UNC5B: variants seen among roughly 807,000 people sequenced by gnomAD.
UNC5B encodes the protein unc-5 netrin receptor B, also known as netrin receptor UNC5B.
Under a neutral mutation model 103.7 loss-of-function variants are expected in UNC5B, and 56 were observed. The ratio of observed to expected loss-of-function variants is 0.54; its 90% confidence interval spans 0.44 to 0.67. The LOEUF is 0.67. Among genes scored for constraint, UNC5B ranks in the 30% least tolerant of loss-of-function variants. The pLI is 0.00. For missense variants in UNC5B, 1,194 were observed against 1,284.5 expected (o/e 0.93, Z 1.08); for synonymous variants, 577 against 542.0 (o/e 1.06, Z -0.90).
At chr10:71,259,655 A>G (rs1032032429) in intron 1 of UNC5B, among the ~76,000 whole-genome samples, 8 of 152,148 alleles carry the variant, frequency 5.3e-5, no homozygotes, top group African/African-American at 1.9e-4. Context: ...ATTCACATAC[A>G]TGACTCTGTT....
At chr10:71,256,404 G>C (rs528972001) in intron 1 of UNC5B, among the ~76,000 whole-genome samples, 5 of 152,230 alleles carry the variant, frequency 3.3e-5, no homozygotes, top group Admixed American at 3.3e-4. Flanking sequence ...CCAGTGCCCT[G>C]CCTGGGCCCA....
At chr10:71,262,013 G>T (rs570613705) in intron 1 of UNC5B, among the ~76,000 whole-genome samples, 6 of 152,108 alleles carry the variant, frequency 3.9e-5, no homozygotes, top group Admixed American at 6.5e-5. Context: ...GATGGGGTAG[G>T]GGGGAGGTGG....
intron 1 of UNC5B, among the ~76,000 whole-genome samples, chr10:71,237,849 C>T (rs1843807945): frequency 6.6e-6 from 1 of 152,186 alleles, no homozygotes; most frequent in Non-Finnish European, 1.5e-5. Context: ...CTCAGCCAGT[C>T]CATTTCCCTC....
rs145277949 is a variant in UNC5B at position 71,279,853 on chromosome 10, T to G, written c.112T>G (p.Ser38Ala). 7.4e-6 allele frequency: 12 copies of G among 1,613,760 alleles called. No individual in the cohort carries two copies. Among genetic ancestry groups the G allele is most frequent in the Non-Finnish European group, 1.0e-5 (12 of 1,179,856 alleles). The change falls in exon 2 of 17, where the codon TCC becomes GCC. Residue 38 changes from serine (S) to alanine (A), a missense_variant. Coordinates refer to ENST00000335350, the MANE Select transcript of UNC5B (RefSeq NM_170744.5). ...TTCTGGCAGCGAGGTGCTCCCTGAC[T>G]CCTTCCCGTCAGCGCCAGCAGAGCC... ...TDSGSEVLPD[S>A]FPSAPAEPLP...
At chr10:71,243,513 A>G (rs1843954656) in intron 1 of UNC5B, among the ~76,000 whole-genome samples, 1 of 152,262 alleles carries the variant, frequency 6.6e-6, no homozygotes, top group South Asian at 2.1e-4. Context: ...AAACAGCCAC[A>G]TATGGCTAGT....
At chr10:71,284,609 G>A in intron 2 of UNC5B, 111 bp from the exon 3 acceptor site, 1 of 1,489,256 alleles carries the variant, frequency 6.7e-7, no homozygotes, top group Non-Finnish European at 9.0e-7. Flanking sequence ...TGGAGGGAAA[G>A]GCACTTGGGC....
chr10:71,247,096 G>A (rs1844055993), intron 1 of UNC5B, among the ~76,000 whole-genome samples: 1 of 152,250 alleles, frequency 6.6e-6, no homozygotes, highest in South Asian at 2.1e-4. Flanking sequence ...GCATGACCCA[G>A]GTTGTTCACT....
intron 1 of UNC5B, among the ~76,000 whole-genome samples, chr10:71,240,857 G>C (rs1156505367): frequency 2.0e-5 from 3 of 152,202 alleles, no homozygotes; most frequent in Non-Finnish European, 2.9e-5. Context: ...AGGCCCCTTG[G>C]TACCAGTCCC....
chr10:71,301,286 C>T lies in UNC5B; in HGVS notation c.*2009C>T, dbSNP rs757329078. 6.6e-6 allele frequency: 1 copy of T among 152,218 alleles called. No individual in the cohort carries two copies. Among genetic ancestry groups the T allele is most frequent in the African/African-American group, 2.4e-5 (1 of 41,448 alleles). 9.4% of individuals were successfully genotyped at this position (152,218 alleles called of 1,614,324 possible). A position where few individuals can be genotyped will look rare whatever the true frequency, so the allele number is the denominator to read the frequency against. ...CTTCCCTGCCATGGACTCAGTAGCT[C>T]GTGGGGCTTCTTACCACCCACCAGC... is the stretch of plus-strand genomic sequence containing the variant. On this transcript the variant is annotated 3_prime_UTR_variant, in exon 17 of 17. Coordinates refer to ENST00000335350, the MANE Select transcript of UNC5B (RefSeq NM_170744.5).
chr10:71,266,984 A>C (rs1844538223), intron 1 of UNC5B, among the ~76,000 whole-genome samples: 2 of 152,100 alleles, frequency 1.3e-5, no homozygotes, highest in Admixed American at 1.3e-4. Context: ...TTAGTCACTC[A>C]GTGGCTGTCT....
chr10:71,275,967 C>T (rs74147808), intron 1 of UNC5B, among the ~76,000 whole-genome samples: 3,142 of 152,078 alleles, frequency 0.021, 100 homozygotes, highest in African/African-American at 0.069. Context: ...TAGTGGTGTC[C>T]GCTTGGATTC....
chr10:71,269,608 C>T (rs1442482979), intron 1 of UNC5B, among the ~76,000 whole-genome samples: 1 of 152,260 alleles, frequency 6.6e-6, no homozygotes, highest in Non-Finnish European at 1.5e-5. Flanking sequence ...CTCCCTCCCC[C>T]TCCACCTGCC....
chr10:71,227,705 T>TACACACACAC (rs1457951155), intron 1 of UNC5B, among the ~76,000 whole-genome samples: 2 of 120,664 alleles, frequency 1.7e-5, no homozygotes, highest in Admixed American at 8.6e-5. Context: ...TATACACACA[T>TACACACACAC]ATACACACAC....
At chr10:71,245,463 G>T (rs901110185) in intron 1 of UNC5B, among the ~76,000 whole-genome samples, 1 of 152,188 alleles carries the variant, frequency 6.6e-6, no homozygotes, top group African/African-American at 2.4e-5. Context: ...GGGCCTGGTG[G>T]TACAGACTGA....
At chr10:71,231,625 A>G (rs890120671) in intron 1 of UNC5B, among the ~76,000 whole-genome samples, 1 of 151,860 alleles carries the variant, frequency 6.6e-6, no homozygotes, top group Non-Finnish European at 1.5e-5. Flanking sequence ...GAAAAACCAC[A>G]ATCGTACGTA....
chr10:71,212,850 G>C lies in UNC5B; in HGVS notation c.-136G>C. On this transcript the variant is annotated 5_prime_UTR_variant, in exon 1 of 17. Coordinates refer to ENST00000335350, the MANE Select transcript of UNC5B (RefSeq NM_170744.5). ...GCAGCGTGGCTTCCGCTGCCCCCAC[G>C]GAAGGCACGGGCTGGCGCTGCCGGG... 1 of 667,866 alleles carries C rather than the reference G, an allele frequency of 1.5e-6. No homozygotes were observed. Among genetic ancestry groups the C allele is most frequent in the South Asian group, 7.4e-5 (1 of 13,474 alleles). The allele number at this position is 667,866 out of a possible 1,614,324, so 41.4% of individuals were successfully genotyped here.
intron 1 of UNC5B, among the ~76,000 whole-genome samples, chr10:71,220,325 C>T (rs1025979416): frequency 1.3e-5 from 2 of 152,158 alleles, no homozygotes; most frequent in African/African-American, 4.8e-5. Context: ...CTGCCCTGCC[C>T]CCACCAGAGA....
intron 1 of UNC5B, among the ~76,000 whole-genome samples, chr10:71,266,081 T>C (rs1026988279): frequency 5.3e-4 from 80 of 152,116 alleles, no homozygotes; most frequent in Non-Finnish European, 8.5e-4. Context: ...CTTTCTTTTT[T>C]CACCCCTACC....
chr10:71,289,973 G>A (rs77574123), intron 8 of UNC5B, among the ~76,000 whole-genome samples: 1,867 of 152,362 alleles, frequency 0.012, 38 homozygotes, highest in African/African-American at 0.043. Context: ...GGGAGGAAGT[G>A]CGTGGACAGG....
Sources: allele counts gnomAD v4.1 joint callset (sites outside exome capture counted in the v4.1 genomes callset), GRCh38; gene constraint gnomAD v4.1.1; transcripts MANE v1.5; gene names NCBI Gene and HGNC (gene_info 2026-07-23, HGNC 2026-07-21).